The following UTS2B variants were observed in gnomAD, a reference collection of about 807,000 sequenced individuals.
The protein encoded by UTS2B is urotensin-2B.
In UTS2B, 21 loss-of-function variants were observed where a neutral mutation model predicts 19.2. That is an observed-to-expected ratio of 1.09 (90% CI 0.78 to 1.58). The LOEUF (loss-of-function observed/expected upper bound fraction) is 1.58. UTS2B is among the 40% of genes most tolerant of loss of function. The pLI is 0.00. For synonymous variants in UTS2B, 57 were observed against 50.2 expected, an observed-to-expected ratio of 1.14 and a Z score of -0.58; for missense variants, 138 against 130.3, an observed-to-expected ratio of 1.06 and a Z score of -0.29.
intron 8 of UTS2B, among the ~76,000 whole-genome samples, chr3:191,271,677 A>G (rs9809263): frequency 0.52 from 79,124 of 151,946 alleles, 21,372 homozygotes; most frequent in Non-Finnish European, 0.59. Context: ...GAATGATCTG[A>G]GTCTCAGTTT....
chr3:191,333,821 G>A (rs566905753), upstream of UTS2B, among the ~76,000 whole-genome samples: 1 of 152,124 alleles, frequency 6.6e-6, no homozygotes, highest in South Asian at 2.1e-4. Context: ...TTTAAACTGT[G>A]TGTATCACTT....
At chr3:191,297,971 A>G (rs1162038214) in intron 4 of UTS2B, among the ~76,000 whole-genome samples, 4 of 152,228 alleles carry the variant, frequency 2.6e-5, no homozygotes, top group African/African-American at 7.2e-5. Flanking sequence ...GAGAATTCCA[A>G]GCGCTGGGCT....
At chr3:191,295,432 C>G (rs1336550422) in intron 4 of UTS2B, among the ~76,000 whole-genome samples, 1 of 151,920 alleles carries the variant, frequency 6.6e-6, no homozygotes, top group African/African-American at 2.4e-5. Context: ...TTTTCGGCTT[C>G]TTTTAGCATT....
At chr3:191,329,521 C>G in intron 1 of UTS2B, 1 of 667,488 alleles carries the variant, frequency 1.5e-6, no homozygotes, top group Non-Finnish European at 2.4e-6. Flanking sequence ...TCACCAGCCC[C>G]TGCCCGCCCG....
At chr3:191,294,888 G>A (rs368183254) in intron 4 of UTS2B, among the ~76,000 whole-genome samples, 3 of 151,668 alleles carry the variant, frequency 2.0e-5, no homozygotes, top group East Asian at 1.9e-4. Context: ...AACAGTAGCC[G>A]GGCATGTTGG....
intron 2 of UTS2B, among the ~76,000 whole-genome samples, chr3:191,322,425 G>A (rs1450043147): frequency 6.6e-6 from 1 of 152,198 alleles, no homozygotes. Context: ...AATAAAAGGA[G>A]AATGAGATTG....
intron 2 of UTS2B, among the ~76,000 whole-genome samples, chr3:191,317,519 G>C (rs112675005): frequency 5.9e-5 from 9 of 152,386 alleles, no homozygotes; most frequent in African/African-American, 1.9e-4. Context: ...GAGGCGCTGA[G>C]AGCGAGCGAC....
intron 3 of UTS2B, among the ~76,000 whole-genome samples, chr3:191,314,452 A>G (rs2117543): frequency 0.22 from 33,401 of 152,118 alleles, 4,022 homozygotes; most frequent in South Asian, 0.29. Flanking sequence ...CAAGAGTATG[A>G]GAGGCTAAAT....
At chr3:191,308,455 C>A (rs559262327) in intron 3 of UTS2B, among the ~76,000 whole-genome samples, 2 of 152,312 alleles carry the variant, frequency 1.3e-5, no homozygotes, top group Non-Finnish European at 2.9e-5. Flanking sequence ...TGCACTATAT[C>A]TCTTTTTGTT....
At chr3:191,303,894 C>T (rs1717065809) in intron 4 of UTS2B, among the ~76,000 whole-genome samples, 1 of 152,110 alleles carries the variant, frequency 6.6e-6, no homozygotes, top group African/African-American at 2.4e-5. Context: ...GAGGCACACA[C>T]TTAGTTAGGT....
chr3:191,307,584 G>A (rs565753954), intron 3 of UTS2B, among the ~76,000 whole-genome samples: 8 of 152,270 alleles, frequency 5.3e-5, no homozygotes, highest in African/African-American at 1.7e-4. Flanking sequence ...ATGATGGGTA[G>A]GACGTTCAGA....
intron 4 of UTS2B, among the ~76,000 whole-genome samples, chr3:191,285,472 A>T (rs78968790): frequency 0.012 from 1,754 of 152,328 alleles, 33 homozygotes; most frequent in African/African-American, 0.04. Context: ...ACAAAATGGC[A>T]CTAGTAATTT....
intron 4 of UTS2B, among the ~76,000 whole-genome samples, chr3:191,284,909 C>T (rs1008744200): frequency 1.1e-4 from 16 of 152,062 alleles, no homozygotes; most frequent in Admixed American, 2.0e-4. Flanking sequence ...GAATTCATCA[C>T]CACCACACCA....
intron 5 of UTS2B, 110 bp from the exon 6 acceptor site, chr3:191,278,280 TAG>T (rs1169799744): frequency 3.4e-6 from 2 of 582,608 alleles, no homozygotes; most frequent in Non-Finnish European, 6.0e-6. Flanking sequence ...GAAAGAAATG[TAG>T]AGAGAGTGTA....
At chr3:191,301,691 G>T (rs1028063538) in intron 4 of UTS2B, among the ~76,000 whole-genome samples, 2 of 151,204 alleles carry the variant, frequency 1.3e-5, no homozygotes, top group Non-Finnish European at 2.9e-5. Context: ...GGGTTTCACC[G>T]AGTTAGCCAG....
chr3:191,275,286 T>C lies in UTS2B; in HGVS notation c.300A>G (p.Val100=). ...EEKDSETSYA[V]DGLFSSHPSK... ...TAGGATGAGAAGAGAATAGACCATC[T>C]ACAGCATAGGACGTCTCAGAATCCT... Residue 100 remains valine (V), a synonymous_variant, in exon 8 of 9, where the codon GTA becomes GTG. Coordinates refer to ENST00000340524, the MANE Select transcript of UTS2B (RefSeq NM_198152.5). 1 of 1,613,786 alleles carries C rather than the reference T, an allele frequency of 6.2e-7. No homozygotes were observed. Among genetic ancestry groups the C allele is most frequent in the Non-Finnish European group, 8.5e-7 (1 of 1,179,740 alleles).
intron 2 of UTS2B, among the ~76,000 whole-genome samples, chr3:191,322,072 A>G (rs293870): frequency 1 from 152,171 of 152,180 alleles, 76,081 homozygotes; most frequent in Non-Finnish European, 1. Flanking sequence ...GTGTGACTAT[A>G]TGTATATGTA....
At position 191,318,362 on chromosome 3, in the gene UTS2B, G is replaced by A. The variant is rs546029847; in HGVS notation, c.-585-1923C>T. Among the ~76,000 whole-genome samples the A allele has an allele frequency of 7.9e-5, 12 of 152,344 alleles. No individual in the cohort carries two copies. In the South Asian group the frequency reaches 2.5e-3, roughly 32 times the overall value. ...TCTGAGGTCACAAGAAAAGTAGCCT[G>A]TAGAAAAGGAATTTCCTAAACTATA... On this transcript the variant is annotated intron_variant, in intron 2 of 8. Coordinates refer to ENST00000340524, the MANE Select transcript of UTS2B (RefSeq NM_198152.5).
the UTS2B span, among the ~76,000 whole-genome samples, chr3:191,336,627 T>C: frequency 1.3e-5 from 2 of 152,208 alleles, no homozygotes; most frequent in African/African-American, 2.4e-5. Flanking sequence ...AATATCAGAA[T>C]GATATGGGGA....
Sources: gnomAD v4.1 joint callset for allele counts (sites outside exome capture counted in the v4.1 genomes callset) on GRCh38, gnomAD v4.1.1 for gene constraint, MANE v1.5 for transcripts, NCBI Gene and HGNC (gene_info 2026-07-23, HGNC 2026-07-21) for gene names.